SRRM3: variants seen among roughly 807,000 people sequenced by gnomAD.
The protein encoded by SRRM3 is serine/arginine repetitive matrix protein 3.
In SRRM3, 27 loss-of-function variants were observed where a neutral mutation model predicts 66.2. That is an observed-to-expected ratio of 0.41 (90% CI 0.30 to 0.56). The LOEUF (loss-of-function observed/expected upper bound fraction) is 0.56, where lower values mean the gene tolerates loss of function less well. SRRM3 is among the 20% of genes least tolerant of loss of function. The pLI is 0.32. For synonymous variants in SRRM3, 391 were observed against 414.9 expected (o/e 0.94, Z 0.70); for missense variants, 918 against 991.9 (o/e 0.93, Z 1.00).
At chr7:76,212,416 C>T (rs1159951879) in intron 1 of SRRM3, among the ~76,000 whole-genome samples, 1 of 151,072 alleles carries the variant, frequency 6.6e-6, no homozygotes, top group African/African-American at 2.4e-5. Flanking sequence ...CTCGGCCTCC[C>T]AAAGTGCTGG....
intron 6 of SRRM3, 71 bp downstream of exon 6, chr7:76,260,974 C>G (rs1468013704): frequency 1.3e-6 from 2 of 1,491,102 alleles, no homozygotes; most frequent in Non-Finnish European, 1.8e-6. Context: ...CCAAGGCCAT[C>G]CCCCAGAGGC....
chr7:76,286,116 A>C lies in SRRM3; in HGVS notation c.*273A>C. Reference sequence around the variant, plus strand: ...AACAAAGAGCCGTTACGAACACAGGAATCTCCCCATCCCCCTTCCTGCTGA... The same window carrying C: ...AACAAAGAGCCGTTACGAACACAGGCATCTCCCCATCCCCCTTCCTGCTGA... On this transcript the variant is annotated 3_prime_UTR_variant, in exon 15 of 15. Coordinates refer to ENST00000611745, the MANE Select transcript of SRRM3 (RefSeq NM_001110199.3). 1 of 536,406 alleles carries C rather than the reference A, an allele frequency of 1.9e-6. No individual in the cohort carries two copies. Among genetic ancestry groups the C allele is most frequent in the Non-Finnish European group, 3.4e-6 (1 of 292,738 alleles). The allele number at this position is 536,406 out of a possible 1,614,324, so 33.2% of individuals were successfully genotyped here.
In SRRM3 at chr7:76,265,380, C is replaced by T. The variant is rs374404680; in HGVS notation, c.742C>T (p.Pro248Ser). 1.9e-6 allele frequency: 3 copies of T among 1,599,762 alleles called. No individual in the cohort carries two copies. The highest frequency in any genetic ancestry group is 2.3e-5 in the East Asian group (1 of 43,606). ...CCACGCCAGGCCTCACACAGAGTCCCCAGGCCGGAGGTCTCATCGCCATAG... is the reference window on the plus strand; with the variant it reads ...CCACGCCAGGCCTCACACAGAGTCCTCAGGCCGGAGGTCTCATCGCCATAG... The part of the protein sequence containing the change: ...KEKKRPHTES[P>S]GRRSHRHSSG... Residue 248 changes from proline (P) to serine (S), a missense_variant, in exon 10 of 15, where the codon CCA (proline) becomes TCA (serine). Transcript: ENST00000611745.
At chr7:76,208,195 G>T (rs1168394020) in intron 1 of SRRM3, among the ~76,000 whole-genome samples, 2 of 152,106 alleles carry the variant, frequency 1.3e-5, no homozygotes, top group African/African-American at 4.8e-5. Flanking sequence ...GGGGCGGTGA[G>T]GGCTTGGATC....
chr7:76,239,222 CG>C, intron 2 of SRRM3, among the ~76,000 whole-genome samples: 1 of 151,998 alleles, frequency 6.6e-6, no homozygotes, highest in South Asian at 2.1e-4. Flanking sequence ...TTAGTAGAAA[CG>C]GGGTTTCACC....
intron 2 of SRRM3, 136 bp downstream of exon 2, chr7:76,235,435 G>A (rs1423083215): frequency 2.5e-6 from 2 of 815,438 alleles, no homozygotes; most frequent in African/African-American, 3.6e-5. Context: ...TTAGGGCGGA[G>A]TCGGGCGACT....
chr7:76,232,903 A>G (rs1801048427), intron 1 of SRRM3, among the ~76,000 whole-genome samples: 1 of 151,778 alleles, frequency 6.6e-6, no homozygotes, highest in Non-Finnish European at 1.5e-5. Flanking sequence ...GGGAGCAGGG[A>G]GGCCAGGCAA....
At chr7:76,261,256 C>T in intron 6 of SRRM3, 96 bp from the exon 7 acceptor site, 1 of 884,600 alleles carries the variant, frequency 1.1e-6, no homozygotes. Context: ...ATTCCCTTTC[C>T]AGCTTCAATG....
intron 3 of SRRM3, among the ~76,000 whole-genome samples, chr7:76,250,219 T>A (rs1345077602): frequency 6.6e-6 from 1 of 151,384 alleles, no homozygotes; most frequent in Non-Finnish European, 1.5e-5. Flanking sequence ...TAATTTTTGT[T>A]TTTTTGTTTT....
intron 3 of SRRM3, among the ~76,000 whole-genome samples, chr7:76,250,394 G>A (rs890221553): frequency 2.6e-5 from 4 of 151,950 alleles, no homozygotes; most frequent in Non-Finnish European, 5.9e-5. Context: ...ATGACGCCCC[G>A]CTAATTTTTT....
At chr7:76,255,147 T>C (rs1289464985) in intron 3 of SRRM3, among the ~76,000 whole-genome samples, 2 of 95,490 alleles carry the variant, frequency 2.1e-5, no homozygotes, top group East Asian at 5.8e-4. Flanking sequence ...TTTCTTTCTT[T>C]CTTTTTTTTT....
rs577222957 is a variant in SRRM3, at chr7:76,221,084, G to T, written c.-39-13944G>T. On this transcript the variant is annotated intron_variant, in intron 1 of 14. Coordinates refer to ENST00000611745, the MANE Select transcript of SRRM3 (RefSeq NM_001110199.3). Reference sequence around the variant, plus strand: ...TTTTTTTTTTTTTTTTCCAGACAAGGTCTCACTTTGTTGCCCAGGCTGGAG... The same window carrying T: ...TTTTTTTTTTTTTTTTCCAGACAAGTTCTCACTTTGTTGCCCAGGCTGGAG... 6.7e-5 allele frequency among the ~76,000 whole-genome samples: 10 copies of T among 149,228 alleles called. No individual in the cohort carries two copies. In the East Asian group the frequency reaches 1.6e-3, roughly 23 times the overall value.
chr7:76,281,841 C>T (rs1802520408), intron 12 of SRRM3, 39 bp downstream of exon 12: 4 of 1,211,174 alleles, frequency 3.3e-6, no homozygotes, highest in East Asian at 4.3e-5. Flanking sequence ...CCCGCCCCCA[C>T]CCCGCACAGG....
intron 11 of SRRM3, among the ~76,000 whole-genome samples, chr7:76,276,338 C>T (rs563589288): frequency 1.7e-4 from 26 of 152,046 alleles, no homozygotes; most frequent in African/African-American, 7.2e-5. Context: ...GGATGGAGGA[C>T]GGACGAAGAC....
chr7:76,247,827 G>A (rs192655332), intron 2 of SRRM3, among the ~76,000 whole-genome samples: 3 of 152,084 alleles, frequency 2.0e-5, no homozygotes, highest in East Asian at 1.9e-4. Flanking sequence ...CCTGAGTAGC[G>A]GGGATTGCAG....
intron 1 of SRRM3, among the ~76,000 whole-genome samples, chr7:76,211,182 G>A (rs1800422560): frequency 6.6e-6 from 1 of 152,232 alleles, no homozygotes; most frequent in Non-Finnish European, 1.5e-5. Flanking sequence ...CCGGTGTGGG[G>A]AAGGACTCCC....
chr7:76,226,384 A>G (rs1385134491), intron 1 of SRRM3, among the ~76,000 whole-genome samples: 1 of 152,092 alleles, frequency 6.6e-6, no homozygotes, highest in Non-Finnish European at 1.5e-5. Flanking sequence ...CCCCTTTGGC[A>G]AGCATTAAAC....
At chr7:76,275,410 G>T (rs543776419) in intron 11 of SRRM3, among the ~76,000 whole-genome samples, 1 of 149,478 alleles carries the variant, frequency 6.7e-6, no homozygotes, top group Admixed American at 6.7e-5. Flanking sequence ...TATCGCTTGA[G>T]CCCAGGAATT....
intron 2 of SRRM3, among the ~76,000 whole-genome samples, chr7:76,243,677 C>T (rs1421709038): frequency 2.0e-5 from 3 of 152,348 alleles, no homozygotes; most frequent in Admixed American, 2.0e-4. Flanking sequence ...CAGCCCCCCA[C>T]AAGCAGCTGG....
Sources: gnomAD v4.1 joint callset for allele counts (sites outside exome capture counted in the v4.1 genomes callset) on GRCh38, gnomAD v4.1.1 for gene constraint, MANE v1.5 for transcripts, NCBI Gene and HGNC (gene_info 2026-07-23, HGNC 2026-07-21) for gene names.